The following PTPRC variants were observed in gnomAD, a reference collection of about 807,000 sequenced individuals.
The protein encoded by PTPRC is protein tyrosine phosphatase receptor type C.
PTPRC carries 44 observed loss-of-function variants against 155.9 expected under a neutral mutation model. The observed-to-expected ratio is 0.28, with a 90% CI of 0.22 to 0.36. PTPRC has a LOEUF of 0.36. Among genes scored for constraint, PTPRC ranks in the 10% least tolerant of loss-of-function variants. The pLI is 1.00. For missense variants in PTPRC, 1,401 were observed against 1,564.6 expected, an observed-to-expected ratio of 0.90 and a Z score of 1.76; for synonymous variants, 525 against 533.1, an observed-to-expected ratio of 0.98 and a Z score of 0.21.
At chr1:198,681,774 T>G (rs1665345590) in intron 2 of PTPRC, among the ~76,000 whole-genome samples, 1 of 152,236 alleles carries the variant, frequency 6.6e-6, no homozygotes, top group Non-Finnish European at 1.5e-5. Context: ...CAAAATGAAG[T>G]GCTTCTGAAA....
intron 2 of PTPRC, among the ~76,000 whole-genome samples, chr1:198,689,176 G>C (rs888157122): frequency 2.5e-4 from 38 of 151,972 alleles, no homozygotes; most frequent in African/African-American, 8.9e-4. Context: ...TATACATCAT[G>C]TATTTCTTTT....
chr1:198,654,679 G>T lies in PTPRC; in HGVS notation c.73+15338G>T, dbSNP rs558028315. 3.9e-3 allele frequency among the ~76,000 whole-genome samples: 590 copies of T among 151,684 alleles called. 6 individuals are homozygous for T. The highest frequency in any genetic ancestry group is 0.013 in the African/African-American group (558 of 41,444). On this transcript the variant is annotated intron_variant, in intron 2 of 32. Transcript: ENST00000442510. Reference sequence around the variant, plus strand: ...ATTTTAAACCTGCTGTCCTTTATAAGAGAATAATATATTTTGTAATTTGAG... The same window carrying T: ...ATTTTAAACCTGCTGTCCTTTATAATAGAATAATATATTTTGTAATTTGAG...
chr1:198,693,447 C>G (rs889284594), intron 3 of PTPRC, among the ~76,000 whole-genome samples: 1 of 152,088 alleles, frequency 6.6e-6, no homozygotes, highest in Non-Finnish European at 1.5e-5. Flanking sequence ...CTCAACCATA[C>G]CAGATGGTTA....
intron 10 of PTPRC, among the ~76,000 whole-genome samples, 167 bp downstream of exon 10, chr1:198,708,428 G>C (rs1039476383): frequency 6.6e-6 from 1 of 151,784 alleles, no homozygotes; most frequent in East Asian, 1.9e-4. Context: ...GGTATATTTA[G>C]AGTCAAATAA....
chr1:198,661,341 A>G (rs953605402), intron 2 of PTPRC, among the ~76,000 whole-genome samples: 1 of 150,060 alleles, frequency 6.7e-6, no homozygotes, highest in African/African-American at 2.4e-5. Flanking sequence ...AAATCAATAT[A>G]TTAATATAAA....
intron 2 of PTPRC, among the ~76,000 whole-genome samples, chr1:198,658,800 A>G (rs1663755398): frequency 6.6e-6 from 1 of 151,978 alleles, no homozygotes; most frequent in Non-Finnish European, 1.5e-5. Context: ...AGAGTGTAGC[A>G]CAGTTTTCTG....
chr1:198,708,547 C>T (rs1430953964), intron 10 of PTPRC, among the ~76,000 whole-genome samples: 1 of 151,898 alleles, frequency 6.6e-6, no homozygotes, highest in East Asian at 1.9e-4. Context: ...ATTTTCTTGG[C>T]AATTGTTATA....
At chr1:198,704,641 G>A in intron 8 of PTPRC, 143 bp downstream of exon 8, 1 of 1,481,014 alleles carries the variant, frequency 6.8e-7, no homozygotes, top group Middle Eastern at 1.8e-4. Flanking sequence ...TCTCAAATTA[G>A]TAAAAAATTA....
At chr1:198,677,050 G>A (rs965973193) in intron 2 of PTPRC, among the ~76,000 whole-genome samples, 1 of 152,132 alleles carries the variant, frequency 6.6e-6, no homozygotes, top group Non-Finnish European at 1.5e-5. Flanking sequence ...AATCTCTTTT[G>A]AAAATTACTA....
intron 2 of PTPRC, among the ~76,000 whole-genome samples, chr1:198,647,095 C>T (rs991888117): frequency 6.6e-6 from 1 of 151,846 alleles, no homozygotes; most frequent in Admixed American, 6.6e-5. Flanking sequence ...CTCTCCACAT[C>T]TTTTTATCAA....
chr1:198,703,486 T>A, intron 7 of PTPRC, 114 bp downstream of exon 7: 2 of 1,542,804 alleles, frequency 1.3e-6, no homozygotes, highest in Admixed American at 3.4e-5. Context: ...TTGCATTAAG[T>A]GTTTGAATCC....
intron 13 of PTPRC, among the ~76,000 whole-genome samples, chr1:198,717,091 G>T (rs1394621692): frequency 1.3e-5 from 2 of 152,172 alleles, no homozygotes; most frequent in African/African-American, 4.8e-5. Flanking sequence ...ATCAGTTTGT[G>T]CAATTTCATG....
chr1:198,678,752 CTTT>C (rs201060607), intron 2 of PTPRC, among the ~76,000 whole-genome samples: 1 of 146,106 alleles, frequency 6.8e-6, no homozygotes, highest in Non-Finnish European at 1.5e-5. Flanking sequence ...TTTTCTTTTT[CTTT>C]TTTTTTTTGT....
intron 2 of PTPRC, among the ~76,000 whole-genome samples, chr1:198,678,752 C>CTT (rs201060607): frequency 1.2e-4 from 18 of 146,170 alleles, no homozygotes; most frequent in South Asian, 4.3e-4. Context: ...TTTTCTTTTT[C>CTT]TTTTTTTTTT....
In PTPRC at chr1:198,728,394, T is replaced by A. The variant is rs763104128; in HGVS notation, c.1775T>A (p.Ile592Lys). Residue 592 changes from isoleucine (I) to lysine (K), a missense_variant, in exon 16 of 33, where the codon ATA becomes AAA. Ile to Lys is a moderately radical substitution (Grantham distance 102). This residue lies in a region of PTPRC where 867 missense variants were observed against 970.4 expected (regional missense o/e 0.89). Transcript: ENST00000442510. ...GCATTTCTGATTATTGTGACATCAA[T>A]AGCCCTGCTTGTTGTTCTCTACAAA... ...FLAFLIIVTS[I>K]ALLVVLYKIY... 6.2e-7 allele frequency: 1 copy of A among 1,613,160 alleles called. No homozygotes were observed. Among genetic ancestry groups the A allele is most frequent in the Non-Finnish European group, 8.5e-7 (1 of 1,179,580 alleles).
At chr1:198,711,089 G>A (rs1275085851) in intron 11 of PTPRC, among the ~76,000 whole-genome samples, 1 of 152,112 alleles carries the variant, frequency 6.6e-6, no homozygotes. Flanking sequence ...CTCCCAAAGT[G>A]CTGGAATTAC....
chr1:198,659,104 G>A (rs1663782495), intron 2 of PTPRC, among the ~76,000 whole-genome samples: 1 of 152,060 alleles, frequency 6.6e-6, no homozygotes, highest in Non-Finnish European at 1.5e-5. Context: ...AAAATTTTGA[G>A]AGATAAGAGA....
chr1:198,695,311 T>C (rs1666142709), intron 3 of PTPRC: 3 of 567,128 alleles, frequency 5.3e-6, no homozygotes, highest in Non-Finnish European at 4.5e-6. Context: ...TTTTGCCCAA[T>C]CTTGTTGAAC....
rs781547834 is a variant in PTPRC at position 198,696,758 on chromosome 1, C to A, written c.147C>A (p.Pro49=). 6.2e-7 allele frequency: 1 copy of A among 1,614,102 alleles called. No homozygotes were observed. The highest frequency in any genetic ancestry group is 1.7e-4 in the Middle Eastern group (1 of 6,060). Reference sequence around the variant, plus strand: ...CCAGTGTTCCACTTTCAAGTGACCCCTTACCTACTCACACCACTGCATTCT... The same window carrying A: ...CCAGTGTTCCACTTTCAAGTGACCCATTACCTACTCACACCACTGCATTCT... ...KMPSVPLSSD[P]LPTHTTAFSP... is the part of the protein sequence containing the mutation. Residue 49 remains proline, a synonymous_variant, in exon 4 of 33, where the codon CCC becomes CCA. Coordinates refer to ENST00000442510, the MANE Select transcript of PTPRC (RefSeq NM_002838.5).
Sources: allele counts gnomAD v4.1 joint callset (sites outside exome capture counted in the v4.1 genomes callset), GRCh38; gene constraint gnomAD v4.1.1; regional missense constraint gnomAD v4.1.1; transcripts MANE v1.5; gene names NCBI Gene and HGNC (gene_info 2026-07-23, HGNC 2026-07-21).